The following CAPN13 variants were observed in gnomAD, a reference collection of about 807,000 sequenced individuals.
The protein encoded by CAPN13 is calpain-13.
A neutral mutation model predicts 98.4 loss-of-function variants in CAPN13; 90 were observed. The ratio of observed to expected loss-of-function variants is 0.92; its 90% confidence interval spans 0.77 to 1.09. The LOEUF (loss-of-function observed/expected upper bound fraction) is 1.09, where lower values mean the gene tolerates loss of function less well. Ranked by LOEUF, CAPN13 falls within the 50% of genes least tolerant of loss-of-function variation. The pLI, the probability that CAPN13 is intolerant of heterozygous loss-of-function variation, is 0.00. For synonymous variants in CAPN13, 330 were observed against 305.5 expected (o/e 1.08, Z -0.84); for missense variants, 887 against 841.3 (o/e 1.05, Z -0.67).
At chr2:30,770,210 C>T in intron 5 of CAPN13, 103 bp downstream of exon 5, 1 of 1,477,728 alleles carries the variant, frequency 6.8e-7, no homozygotes, top group Non-Finnish European at 9.2e-7. Context: ...GATGCCCAGC[C>T]AGGTGGCAAA....
chr2:30,778,832 G>A (rs967327579), intron 2 of CAPN13, among the ~76,000 whole-genome samples: 3 of 152,196 alleles, frequency 2.0e-5, no homozygotes, highest in Non-Finnish European at 4.4e-5. Flanking sequence ...CCTCCCGGGT[G>A]AGGGGGACCC....
At position 30,758,234 on chromosome 2, in the gene CAPN13, T is replaced by G. The variant is rs542845802; in HGVS notation, c.775-97A>C. 3.5e-6 allele frequency: 3 copies of G among 866,102 alleles called. No homozygotes were observed. The African/African-American group carries it at 5.3e-5, about 15-fold the overall frequency. The allele number at this position is 866,102 out of a possible 1,614,324, so 53.7% of individuals were successfully genotyped here. A position where few individuals can be genotyped will look rare whatever the true frequency, so the allele number is the denominator to read the frequency against. On this transcript the variant is annotated intron_variant, in intron 7 of 22. Transcript: ENST00000295055. ...TGCTTTTTACCTCCAAGGACCAATT[T>G]AACTTCTGACCTCATTTGGCTGCAG...
chr2:30,745,828 T>G (rs2147977309), intron 11 of CAPN13, 94 bp from the exon 12 acceptor site: 1 of 997,356 alleles, frequency 1.0e-6, no homozygotes, highest in East Asian at 2.6e-5. Flanking sequence ...GTTTCATCCC[T>G]GCATTCCTTC....
chr2:30,740,382 C>T (rs766036537), intron 15 of CAPN13, among the ~76,000 whole-genome samples: 4 of 152,190 alleles, frequency 2.6e-5, no homozygotes, highest in Admixed American at 6.5e-5. Flanking sequence ...CGTCAGCTAC[C>T]GTGCCCGGCA....
intron 22 of CAPN13, among the ~76,000 whole-genome samples, chr2:30,725,322 G>T (rs1283039846): frequency 6.6e-6 from 1 of 152,208 alleles, no homozygotes; most frequent in African/African-American, 2.4e-5. Context: ...TTGTTTAAAA[G>T]AAATATATAT....
chr2:30,745,763 T>A (rs1190858673), intron 11 of CAPN13, 29 bp from the exon 12 acceptor site: 1 of 1,591,818 alleles, frequency 6.3e-7, no homozygotes, highest in Non-Finnish European at 8.5e-7. Flanking sequence ...AAGGCAGATT[T>A]AGGAACTCAG....
chr2:30,725,695 G>A (rs75750708), intron 22 of CAPN13, among the ~76,000 whole-genome samples: 57 of 152,280 alleles, frequency 3.7e-4, no homozygotes, highest in Admixed American at 1.6e-3. Flanking sequence ...CCTGGCTAAC[G>A]ATAAAAGTCT....
intron 13 of CAPN13, 73 bp from the exon 14 acceptor site, chr2:30,742,432 C>T (rs1671710486): frequency 3.3e-6 from 5 of 1,516,684 alleles, no homozygotes; most frequent in Non-Finnish European, 3.6e-6. Context: ...ATAGAGGGCA[C>T]CCAGGTGGCA....
chr2:30,763,490 T>C (rs376978967), intron 6 of CAPN13, among the ~76,000 whole-genome samples: 4 of 152,262 alleles, frequency 2.6e-5, no homozygotes, highest in African/African-American at 7.2e-5. Context: ...CAGGAATCAC[T>C]TGACCCCCAC....
At chr2:30,758,920 TTTCC>T (rs1000745335) in intron 7 of CAPN13, among the ~76,000 whole-genome samples, 4 of 142,366 alleles carry the variant, frequency 2.8e-5, no homozygotes, top group East Asian at 4.8e-4. Flanking sequence ...CCCTTCTTTC[TTTCC>T]TTCCTTTTCC....
At chr2:30,765,510 C>T (rs866913667) in intron 5 of CAPN13, among the ~76,000 whole-genome samples, 5 of 152,184 alleles carry the variant, frequency 3.3e-5, no homozygotes, top group Non-Finnish European at 5.9e-5. Flanking sequence ...ATGATCAGGA[C>T]CTGGGTCTAT....
Position 30,807,404 on chromosome 2 carries a change from A to C in CAPN13, c.-135T>G, listed in dbSNP as rs1264042176. On this transcript the variant is annotated 5_prime_UTR_variant, in exon 1 of 23. An upstream start codon of the reference 5' UTR is lost. Transcript: ENST00000295055. The stretch of plus-strand genomic sequence containing the variant: ...GAGGAGACTGGCAGAGGAGGAGAGC[A>C]TGGCCGGCCGTCTTGGAGAAAGAGC... The C allele has an allele frequency of 6.6e-6, 1 of 152,518 alleles. No homozygotes were observed. The highest frequency in any genetic ancestry group is 1.5e-5 in the Non-Finnish European group (1 of 68,336). The allele number at this position is 152,518 out of a possible 1,614,324, so 9.4% of individuals were successfully genotyped here. A position where few individuals can be genotyped will look rare whatever the true frequency, so the allele number is the denominator to read the frequency against.
intron 2 of CAPN13, 121 bp downstream of exon 2, chr2:30,787,007 A>G: frequency 1.4e-6 from 1 of 728,670 alleles, no homozygotes. Context: ...TAGCAGAGAT[A>G]CCTGGTGAAT....
At chr2:30,776,799 C>A (rs1471523140) in intron 3 of CAPN13, among the ~76,000 whole-genome samples, 2 of 152,138 alleles carry the variant, frequency 1.3e-5, no homozygotes, top group Non-Finnish European at 2.9e-5. Context: ...TCACACCAGA[C>A]ACTGGGTTCA....
rs60473516 is a variant in CAPN13, at chr2:30,805,747, C to CTTTATTTTTTTTTT, written c.-33+1554_-33+1555insAAAAAAAAAATAAA. On this transcript the variant is annotated intron_variant, in intron 1 of 22. Transcript: ENST00000295055. ...TGAGCCTCAGGGCCAGTAGGTTGGT[C>CTTTATTTTTTTTTT]TTTTTTTTTTGAGACAGGGTCTTGC... is the stretch of plus-strand genomic sequence containing the variant. Among the ~76,000 whole-genome samples the CTTTATTTTTTTTTT allele has an allele frequency of 3.8e-3, 465 of 121,534 alleles. 8 individuals carry two copies. Among genetic ancestry groups the CTTTATTTTTTTTTT allele is most frequent in the African/African-American group, 0.015 (446 of 30,138 alleles). 79.7% of individuals were successfully genotyped at this position (121,534 alleles called of 152,430 possible).
chr2:30,737,468 G>T (rs1023092711), intron 17 of CAPN13: 2 of 152,512 alleles, frequency 1.3e-5, no homozygotes, highest in Admixed American at 1.3e-4. Context: ...GCAGGAAGAG[G>T]ATGGCTCACT....
At chr2:30,724,182 C>T (rs1467579323) in intron 22 of CAPN13, among the ~76,000 whole-genome samples, 1 of 152,064 alleles carries the variant, frequency 6.6e-6, no homozygotes, top group Non-Finnish European at 1.5e-5. Context: ...TATTTTATTA[C>T]AATTATATAT....
At chr2:30,758,789 T>TCC (rs1442553925) in intron 7 of CAPN13, among the ~76,000 whole-genome samples, 1 of 109,134 alleles carries the variant, frequency 9.2e-6, no homozygotes, top group African/African-American at 3.4e-5. Flanking sequence ...TCCCTCCCTT[T>TCC]CCTTTCCTTC....
In CAPN13 at chr2:30,750,692, T is replaced by A. The variant is rs537950996; in HGVS notation, c.1236+411A>T. On this transcript the variant is annotated intron_variant, in intron 11 of 22. Coordinates refer to ENST00000295055, the MANE Select transcript of CAPN13 (RefSeq NM_144575.3). ...AGCCAATGATTCTCAAACTTTAATG[T>A]GCATAAGCCTCTGGAGAGCTTATGA... is the stretch of plus-strand genomic sequence containing the variant. 4.6e-5 allele frequency among the ~76,000 whole-genome samples: 7 copies of A among 152,372 alleles called. 1 individual carries two copies. The highest frequency in any genetic ancestry group is 1.7e-4 in the African/African-American group (7 of 41,594).
Sources: allele counts gnomAD v4.1 joint callset (sites outside exome capture counted in the v4.1 genomes callset), GRCh38; gene constraint gnomAD v4.1.1; transcripts MANE v1.5; gene names NCBI Gene and HGNC (gene_info 2026-07-23, HGNC 2026-07-21).